The following RIMKLA variants were observed in gnomAD, a reference collection of about 807,000 sequenced individuals.
RIMKLA encodes ribosomal modification protein rimK like family member A.
In RIMKLA, 14 loss-of-function variants were observed where a neutral mutation model predicts 32.7. The ratio of observed to expected loss-of-function variants is 0.43; its 90% CI spans 0.28 to 0.67. The LOEUF (loss-of-function observed/expected upper bound fraction) is 0.67. Ranked by LOEUF, RIMKLA falls within the 30% of genes least tolerant of loss-of-function variation. The pLI is 0.18. For synonymous variants in RIMKLA, 176 were observed against 204.1 expected, an observed-to-expected ratio of 0.86 and a Z score of 1.18; for missense variants, 410 against 519.0, an observed-to-expected ratio of 0.79 and a Z score of 2.04.
chr1:42,403,834 A>T (rs1643121125), intron 2 of RIMKLA, among the ~76,000 whole-genome samples: 1 of 152,130 alleles, frequency 6.6e-6, no homozygotes, highest in African/African-American at 2.4e-5. Flanking sequence ...TCTTACCTGA[A>T]GTTTGGGGTC....
At chr1:42,391,690 G>C (rs1453160430) in intron 1 of RIMKLA, among the ~76,000 whole-genome samples, 1 of 152,092 alleles carries the variant, frequency 6.6e-6, no homozygotes, top group Non-Finnish European at 1.5e-5. Context: ...AGCTATATGG[G>C]GTATACAGTC....
In RIMKLA at chr1:42,399,568, A is replaced by C. The variant is rs1338449333; in HGVS notation, c.328A>C (p.Asn110His). The C allele has an allele frequency of 6.2e-7, 1 of 1,613,370 alleles. No individual in the cohort carries two copies. Among genetic ancestry groups the C allele is most frequent in the African/African-American group, 1.3e-5 (1 of 74,922 alleles). The stretch of plus-strand genomic sequence containing the variant: ...CCCACAGAGCATCTTAAATTGCATC[A>C]ACAAATTCTGGACGTTCCAAGAACT... ...NRPQSILNCI[N>H]KFWTFQELAG... Residue 110 changes from asparagine (N) to histidine (H), a missense_variant, in exon 2 of 5, where the codon AAC becomes CAC. Asn to His is a moderately conservative substitution (Grantham distance 68). Transcript: ENST00000431473.
Position 42,385,844 on chromosome 1 carries a change from C to CTCTCTCTCTCTCTTTCTT in RIMKLA, c.163+4750_163+4751insCTCTCTCTCTTTCTTTCT, listed in dbSNP as rs1184237388. Among the ~76,000 whole-genome samples, 8 of 56,996 alleles carry CTCTCTCTCTCTCTTTCTT rather than the reference C, an allele frequency of 1.4e-4. 1 individual carries two copies. The highest frequency in any genetic ancestry group is 2.0e-4 in the African/African-American group (3 of 15,070). 37.4% of individuals were successfully genotyped at this position (56,996 alleles called of 152,430 possible). A position where few individuals can be genotyped will look rare whatever the true frequency, so the allele number is the denominator to read the frequency against. ...CCTTCCTTCCTTTCTTTCTTTCTTT[C>CTCTCTCTCTCTCTTTCTT]TCTTTCTTTCTTTCTTTCTTTCTTT... On this transcript the variant is annotated intron_variant, in intron 1 of 4. Coordinates refer to ENST00000431473, the MANE Select transcript of RIMKLA (RefSeq NM_173642.4).
rs1258663822 is a variant in RIMKLA, at chr1:42,417,294, T to C, written c.*2320T>C. ...TGGCTTCATTGCCTGGCACTAGCCC[T>C]GTCTAGAAGTGGAGAAAGCTGGATC... On this transcript the variant is annotated 3_prime_UTR_variant, in exon 5 of 5. Transcript: ENST00000431473. The C allele has an allele frequency of 6.6e-6, 1 of 152,284 alleles. No homozygotes were observed. Among genetic ancestry groups the C allele is most frequent in the Non-Finnish European group, 1.5e-5 (1 of 68,068 alleles). 9.4% of individuals were successfully genotyped at this position (152,284 alleles called of 1,614,324 possible).
chr1:42,390,500 G>A (rs1309887597), intron 1 of RIMKLA, among the ~76,000 whole-genome samples: 1 of 152,168 alleles, frequency 6.6e-6, no homozygotes, highest in Non-Finnish European at 1.5e-5. Context: ...GTATTTGGAG[G>A]GGTTGGTCTA....
At chr1:42,412,657 C>T (rs968700315) in intron 4 of RIMKLA, 3 of 499,022 alleles carry the variant, frequency 6.0e-6, no homozygotes, top group African/African-American at 3.9e-5. Context: ...TCAGATTTGC[C>T]AACGTAACTA....
intron 1 of RIMKLA, among the ~76,000 whole-genome samples, chr1:42,386,115 G>T (rs1296469379): frequency 6.6e-6 from 1 of 151,648 alleles, no homozygotes; most frequent in Non-Finnish European, 1.5e-5. Flanking sequence ...TAGAGATGGG[G>T]TTTCACCATG....
intron 3 of RIMKLA, among the ~76,000 whole-genome samples, chr1:42,406,813 C>G (rs138648371): frequency 5.2e-4 from 79 of 152,170 alleles, no homozygotes; most frequent in Non-Finnish European, 9.6e-4. Flanking sequence ...GCTTGTTGGC[C>G]ATTTGTGTAT....
chr1:42,423,004 A>G lies in RIMKLA; in HGVS notation c.*8030A>G, dbSNP rs1199223623. Among the ~76,000 whole-genome samples, 1 of 152,200 alleles carries G rather than the reference A, an allele frequency of 6.6e-6. No homozygotes were observed. Among genetic ancestry groups the G allele is most frequent in the Non-Finnish European group, 1.5e-5 (1 of 68,032 alleles). ...AAAGAATCTGTGTACTCACCAGAAG[A>G]ACTCTGACAGGTCAGGCAGGGCCCT... On this transcript the variant is annotated 3_prime_UTR_variant, in exon 5 of 5. Coordinates refer to ENST00000431473, the MANE Select transcript of RIMKLA (RefSeq NM_173642.4).
chr1:42,410,377 A>T (rs1643187105), intron 4 of RIMKLA, among the ~76,000 whole-genome samples, 190 bp downstream of exon 4: 1 of 152,178 alleles, frequency 6.6e-6, no homozygotes, highest in Admixed American at 6.5e-5. Context: ...GCTGTGGCAG[A>T]GGTCAGGCAA....
intron 1 of RIMKLA, among the ~76,000 whole-genome samples, chr1:42,394,415 G>A (rs1306835427): frequency 6.6e-6 from 1 of 152,188 alleles, no homozygotes; most frequent in Admixed American, 6.5e-5. Flanking sequence ...TTGTGTAAAT[G>A]CAAAGACATT....
In RIMKLA at chr1:42,398,450, A is replaced by G. The variant is rs543247280; in HGVS notation, c.164-954A>G. 2.8e-4 allele frequency among the ~76,000 whole-genome samples: 42 copies of G among 152,318 alleles called. No individual in the cohort carries two copies. The South Asian group carries it at 7.7e-3, about 28-fold the overall frequency. On this transcript the variant is annotated intron_variant, in intron 1 of 4. Transcript: ENST00000431473. The stretch of plus-strand genomic sequence containing the variant: ...CAGAAAGTTTTTTGTTGTAAAGGTA[A>G]TAAGTACTTGGAGAAATTTTGGAAA...
At position 42,417,007 on chromosome 1, in the gene RIMKLA, C is replaced by T. The variant is rs1643254732; in HGVS notation, c.*2033C>T. 2 of 152,202 alleles carry T rather than the reference C, an allele frequency of 1.3e-5. No individual in the cohort carries two copies. The highest frequency in any genetic ancestry group is 4.8e-5 in the African/African-American group (2 of 41,442). The allele number at this position is 152,202 out of a possible 1,614,324, so 9.4% of individuals were successfully genotyped here. A position where few individuals can be genotyped will look rare whatever the true frequency, so the allele number is the denominator to read the frequency against. Reference sequence around the variant, plus strand: ...TAAGATATGTACCTTATCTTTACCACTCAGGGTGGCTTTAAAAGACGGACA... The same window carrying T: ...TAAGATATGTACCTTATCTTTACCATTCAGGGTGGCTTTAAAAGACGGACA... On this transcript the variant is annotated 3_prime_UTR_variant, in exon 5 of 5. Coordinates refer to ENST00000431473, the MANE Select transcript of RIMKLA (RefSeq NM_173642.4).
intron 4 of RIMKLA, among the ~76,000 whole-genome samples, chr1:42,410,502 G>T (rs1643188273): frequency 6.6e-6 from 1 of 152,222 alleles, no homozygotes; most frequent in Non-Finnish European, 1.5e-5. Context: ...AGGATGGAAT[G>T]ATGGCATAAG....
At chr1:42,413,924 A>G (rs1643223666) in intron 4 of RIMKLA, among the ~76,000 whole-genome samples, 2 of 149,694 alleles carry the variant, frequency 1.3e-5, no homozygotes, top group African/African-American at 4.9e-5. Flanking sequence ...ACCTAGTTTT[A>G]TTTTTATTTT....
At chr1:42,385,832 CTT>C (rs56145336) in intron 1 of RIMKLA, among the ~76,000 whole-genome samples, 1 of 73,462 alleles carries the variant, frequency 1.4e-5, no homozygotes, top group East Asian at 2.9e-4. Context: ...TCCTTCCTTT[CTT>C]TCTTTCTTTC....
Position 42,423,088 on chromosome 1 carries a change from C to G in RIMKLA, c.*8114C>G, listed in dbSNP as rs1643307678. ...TTCCTGGGAGAAGCGGTGATAAGAC[C>G]CTGGGGGACTAACAGTCAAAACAAG... is the stretch of plus-strand genomic sequence containing the variant. On this transcript the variant is annotated 3_prime_UTR_variant, in exon 5 of 5. Transcript: ENST00000431473. Among the ~76,000 whole-genome samples the G allele has an allele frequency of 6.6e-6, 1 of 152,082 alleles. No homozygotes were observed. The highest frequency in any genetic ancestry group is 1.5e-5 in the Non-Finnish European group (1 of 68,020).
intron 2 of RIMKLA, among the ~76,000 whole-genome samples, chr1:42,402,283 GAC>G (rs1643105114): frequency 1.3e-5 from 2 of 152,354 alleles, no homozygotes; most frequent in South Asian, 4.1e-4. Context: ...AGGGAATTAA[GAC>G]AGCAGATGGA....
intron 1 of RIMKLA, among the ~76,000 whole-genome samples, chr1:42,395,878 C>T (rs959949031): frequency 6.6e-6 from 1 of 152,172 alleles, no homozygotes; most frequent in East Asian, 1.9e-4. Context: ...TTGTCTACTA[C>T]TATTAGAAAT....
Sources: gnomAD v4.1 joint callset for allele counts (sites outside exome capture counted in the v4.1 genomes callset) on GRCh38, gnomAD v4.1.1 for gene constraint, MANE v1.5 for transcripts, NCBI Gene and HGNC (gene_info 2026-07-23, HGNC 2026-07-21) for gene names.